MAST4: variants seen among roughly 807,000 people sequenced by gnomAD.
MAST4 encodes the protein microtubule-associated serine/threonine-protein kinase 4.
Under a neutral mutation model 162.7 loss-of-function variants are expected in MAST4, and 89 were observed. The observed-to-expected ratio is 0.55, with a 90% CI of 0.46 to 0.65. The LOEUF is 0.65. Among genes scored for constraint, MAST4 ranks in the 30% least tolerant of loss-of-function variants. The pLI, the probability that MAST4 is intolerant of heterozygous loss-of-function variation, is 0.00. For missense variants in MAST4, 3,153 were observed against 3,374.0 expected (o/e 0.93, Z 1.62); for synonymous variants, 1,479 against 1,361.1 (o/e 1.09, Z -1.91).
intron 5 of MAST4, among the ~76,000 whole-genome samples, chr5:67,069,287 G>GATAT (rs6149054): frequency 0.05 from 5,391 of 107,502 alleles, 282 homozygotes; most frequent in African/African-American, 0.057. Flanking sequence ...GAGGAGATTG[G>GATAT]ATATATATAT....
At chr5:66,692,647 T>C (rs1749124214) in intron 1 of MAST4, among the ~76,000 whole-genome samples, 1 of 152,128 alleles carries the variant, frequency 6.6e-6, no homozygotes, top group Admixed American at 6.6e-5. Flanking sequence ...GGTCCTAATA[T>C]ATAAAACAAC....
intron 4 of MAST4, among the ~76,000 whole-genome samples, chr5:66,923,966 A>G (rs1764711734): frequency 6.6e-6 from 1 of 152,218 alleles, no homozygotes; most frequent in African/African-American, 2.4e-5. Context: ...CCTGTCATAA[A>G]AGAGTTAGGT....
In MAST4 at chr5:66,759,870, G is replaced by T. The variant is rs766120611; in HGVS notation, c.517+8G>T. The T allele has an allele frequency of 1.2e-6, 2 of 1,613,448 alleles. No individual in the cohort carries two copies. The highest frequency in any genetic ancestry group is 8.5e-7 in the Non-Finnish European group (1 of 1,179,564). On this transcript the variant is annotated splice_region_variant and intron_variant, in intron 2 of 28. Transcript: ENST00000403625. The stretch of plus-strand genomic sequence containing the variant: ...TGGGAGGAGCCCTGACTGGTGAGTC[G>T]CAGCGGCTTGGATGAGAGAAGGAAT...
chr5:67,164,847 T>TC lies in MAST4; in HGVS notation c.5671dup (p.Leu1891ProfsTer3). The TC allele has an allele frequency of 6.2e-7, 1 of 1,613,998 alleles. No individual in the cohort carries two copies. Among genetic ancestry groups the TC allele is most frequent in the South Asian group, 1.1e-5 (1 of 91,078 alleles). On this transcript the variant is annotated frameshift_variant, in exon 29 of 29. Transcript: ENST00000403625. LOFTEE classifies it low-confidence loss of function (END_TRUNC). The surrounding 1 kb of genome is among the most constrained non-coding windows in gnomAD (Gnocchi z 5.3). ...AGGTCTCCAGAATTCACCAGCAGTT[T>TC]CCCTGCCTGACCCAGAGTTCAAGAG...
chr5:66,683,592 A>G (rs934607194), intron 1 of MAST4, among the ~76,000 whole-genome samples: 1 of 152,046 alleles, frequency 6.6e-6, no homozygotes, highest in African/African-American at 2.4e-5. Flanking sequence ...AGGTAACTCT[A>G]TTGTCATGCT....
At chr5:67,142,023 T>G (rs1169431113) in intron 19 of MAST4, 92 bp from the exon 20 acceptor site, 6 of 1,297,134 alleles carry the variant, frequency 4.6e-6, no homozygotes, top group Non-Finnish European at 6.5e-6. Context: ...TGCTGATATG[T>G]TCTCAAAATT....
Position 67,152,864 on chromosome 5 carries a change from T to C in MAST4, c.3523T>C (p.Trp1175Arg), listed in dbSNP as rs1772011251. 1 of 1,612,740 alleles carries C rather than the reference T, an allele frequency of 6.2e-7. No individual in the cohort carries two copies. The highest frequency in any genetic ancestry group is 1.3e-5 in the African/African-American group (1 of 75,040). ...SDIYTVHHIV[W>R]NVEEGSPACQ... is the part of the protein sequence containing the mutation. Reference sequence around the variant, plus strand: ...CATCTATACAGTGCACCATATCGTCTGGGTAAGACCTGCATGTCTCGCACT... The same window carrying C: ...CATCTATACAGTGCACCATATCGTCCGGGTAAGACCTGCATGTCTCGCACT... Residue 1175 changes from tryptophan to arginine, a missense_variant and splice_region_variant, in exon 25 of 29, where the codon TGG becomes CGG. Around this residue, in one of 7 missense-constraint regions of MAST4, gnomAD observed 619 missense variants for 744.2 expected, o/e 0.83. Coordinates refer to ENST00000403625, the MANE Select transcript of MAST4 (RefSeq NM_001164664.2).
intron 4 of MAST4, among the ~76,000 whole-genome samples, chr5:67,020,614 T>G (rs1392984341): frequency 2.0e-5 from 3 of 152,218 alleles, no homozygotes; most frequent in Non-Finnish European, 2.9e-5. Flanking sequence ...TTCCTCTGTT[T>G]TCACACTAAG....
chr5:67,036,710 G>A (rs1756062709), intron 4 of MAST4, among the ~76,000 whole-genome samples: 1 of 152,128 alleles, frequency 6.6e-6, no homozygotes, highest in South Asian at 2.1e-4. Context: ...GAAAAAAATT[G>A]TATGTGTTCA....
At chr5:66,600,795 A>G (rs990571104) in intron 1 of MAST4, among the ~76,000 whole-genome samples, 1 of 152,220 alleles carries the variant, frequency 6.6e-6, no homozygotes, top group African/African-American at 2.4e-5. Flanking sequence ...AGAGACTTGT[A>G]TATTAACTGT....
chr5:66,668,686 A>G (rs1156364192), intron 1 of MAST4, among the ~76,000 whole-genome samples: 1 of 152,242 alleles, frequency 6.6e-6, no homozygotes, highest in South Asian at 2.1e-4. Flanking sequence ...GGTACATAGC[A>G]AGTGCTGGAA....
intron 4 of MAST4, among the ~76,000 whole-genome samples, chr5:66,928,039 C>CA (rs548603111): frequency 1.1e-3 from 168 of 152,258 alleles, no homozygotes; most frequent in African/African-American, 3.9e-3. Flanking sequence ...TATAAGGACA[C>CA]AGTTATATTG....
intron 3 of MAST4, among the ~76,000 whole-genome samples, chr5:66,818,303 C>T (rs575232931): frequency 1.3e-5 from 2 of 152,156 alleles, no homozygotes; most frequent in South Asian, 2.1e-4. Flanking sequence ...AGCAGCTGCT[C>T]ATCAGAGTCT....
intron 2 of MAST4, among the ~76,000 whole-genome samples, chr5:66,768,882 A>G (rs574249705): frequency 6.6e-6 from 1 of 152,288 alleles, no homozygotes; most frequent in Non-Finnish European, 1.5e-5. Context: ...CAGTAATATT[A>G]ATACATTTGC....
chr5:66,750,665 A>T (rs978154464), intron 1 of MAST4, among the ~76,000 whole-genome samples: 26 of 152,212 alleles, frequency 1.7e-4, no homozygotes, highest in Non-Finnish European at 7.3e-5. Flanking sequence ...AGTCTCCCTG[A>T]TTGCTAGCAC....
At chr5:66,610,373 C>CA (rs1319497815) in intron 1 of MAST4, among the ~76,000 whole-genome samples, 1 of 152,176 alleles carries the variant, frequency 6.6e-6, no homozygotes, top group Non-Finnish European at 1.5e-5. Flanking sequence ...CTAGATCAGC[C>CA]TACAACAGCC....
At chr5:66,833,990 AAGG>A (rs1209318313) in intron 3 of MAST4, among the ~76,000 whole-genome samples, 1 of 152,172 alleles carries the variant, frequency 6.6e-6, no homozygotes, top group Non-Finnish European at 1.5e-5. Context: ...TTAAAGATTG[AAGG>A]AGATTACAAA....
intron 4 of MAST4, among the ~76,000 whole-genome samples, chr5:66,904,572 C>T (rs577394504): frequency 1.3e-5 from 2 of 152,246 alleles, no homozygotes; most frequent in African/African-American, 4.8e-5. Context: ...GGTCCGGGAT[C>T]TATAAAATTA....
chr5:66,716,695 T>C lies in MAST4; in HGVS notation c.364-43014T>C, dbSNP rs951943832. 3.3e-5 allele frequency among the ~76,000 whole-genome samples: 5 copies of C among 152,058 alleles called. No individual in the cohort carries two copies. In the South Asian group the frequency reaches 6.2e-4, roughly 19 times the overall value. ...TCTTTAAATTGTGTTAGAAGATATA[T>C]GGATTTTAAAATTCTTTGTAGACCA... On this transcript the variant is annotated intron_variant, in intron 1 of 28. Coordinates refer to ENST00000403625, the MANE Select transcript of MAST4 (RefSeq NM_001164664.2).
Sources: allele counts gnomAD v4.1 joint callset (sites outside exome capture counted in the v4.1 genomes callset), GRCh38; gene constraint gnomAD v4.1.1; regional missense constraint gnomAD v4.1.1; non-coding constraint Gnocchi (gnomAD v3.1); transcripts MANE v1.5; gene names NCBI Gene and HGNC (gene_info 2026-07-23, HGNC 2026-07-21).